The following SUSD4 variants were observed in gnomAD, a reference collection of about 807,000 sequenced individuals.
SUSD4 encodes the protein sushi domain-containing protein 4.
In SUSD4, 41 loss-of-function variants were observed where a neutral mutation model predicts 50.5. The ratio of observed to expected loss-of-function variants is 0.81; its 90% CI spans 0.63 to 1.05. The LOEUF (loss-of-function observed/expected upper bound fraction) is 1.05. Among genes scored for constraint, SUSD4 ranks in the 50% least tolerant of loss-of-function variants. The pLI, the probability that SUSD4 is intolerant of heterozygous loss-of-function variation, is 0.00. For synonymous variants in SUSD4, 257 were observed against 257.3 expected (o/e 1.00, Z 0.01); for missense variants, 580 against 634.7 (o/e 0.91, Z 0.93).
At chr1:223,343,903 A>G (rs1438609987) in intron 2 of SUSD4, among the ~76,000 whole-genome samples, 1 of 152,152 alleles carries the variant, frequency 6.6e-6, no homozygotes, top group Non-Finnish European at 1.5e-5. Context: ...TTCCACCACC[A>G]ACAGAGTACG....
At chr1:223,254,135 A>C (rs983190630) in intron 5 of SUSD4, among the ~76,000 whole-genome samples, 1 of 152,238 alleles carries the variant, frequency 6.6e-6, no homozygotes, top group Non-Finnish European at 1.5e-5. Context: ...CGACCTGCCC[A>C]GGTGAGAACC....
intron 5 of SUSD4, among the ~76,000 whole-genome samples, chr1:223,245,288 T>C (rs1185782669): frequency 1.3e-5 from 2 of 151,162 alleles, no homozygotes; most frequent in African/African-American, 4.9e-5. Context: ...GTCTGCAACG[T>C]ATTAGAAAAC....
Position 223,273,464 on chromosome 1 carries a change from G to A in SUSD4, c.362-4789C>T, listed in dbSNP as rs193176773. 2.6e-5 allele frequency among the ~76,000 whole-genome samples: 4 copies of A among 152,366 alleles called. No individual in the cohort carries two copies. The South Asian group carries it at 6.2e-4, about 24-fold the overall frequency. On this transcript the variant is annotated intron_variant, in intron 3 of 8. Coordinates refer to ENST00000366878, the MANE Select transcript of SUSD4 (RefSeq NM_017982.4). ...GCCCCTGGAATGTCTGGCTTGAGAT[G>A]AGTGTCTTTGTTTGTCTGGGGGCTC...
intron 7 of SUSD4, among the ~76,000 whole-genome samples, chr1:223,225,205 G>A (rs1209434703): frequency 1.3e-5 from 2 of 151,984 alleles, no homozygotes; most frequent in African/African-American, 2.4e-5. Flanking sequence ...CTGGGAACTG[G>A]TGCTGAGGGA....
At chr1:223,246,092 C>T (rs942460368) in intron 5 of SUSD4, among the ~76,000 whole-genome samples, 3 of 152,056 alleles carry the variant, frequency 2.0e-5, no homozygotes, top group Non-Finnish European at 1.5e-5. Context: ...CGGGACTGCA[C>T]GCACTCACAT....
intron 3 of SUSD4, among the ~76,000 whole-genome samples, chr1:223,274,396 G>C (rs562015677): frequency 3.3e-5 from 5 of 152,168 alleles, no homozygotes; most frequent in Non-Finnish European, 7.3e-5. Flanking sequence ...TTTGTGAGCA[G>C]GGCTGGTCCA....
At chr1:223,325,575 C>T (rs1666827377) in intron 2 of SUSD4, among the ~76,000 whole-genome samples, 1 of 152,164 alleles carries the variant, frequency 6.6e-6, no homozygotes, top group Admixed American at 6.5e-5. Flanking sequence ...AAGAGGAAGT[C>T]AAACTATCCC....
At chr1:223,285,281 C>G (rs1307491846) in intron 3 of SUSD4, among the ~76,000 whole-genome samples, 2 of 152,090 alleles carry the variant, frequency 1.3e-5, no homozygotes, top group African/African-American at 4.8e-5. Flanking sequence ...GGCAGGAACA[C>G]CAAGGGAGGC....
intron 2 of SUSD4, among the ~76,000 whole-genome samples, chr1:223,325,835 G>A (rs967999172): frequency 2.6e-5 from 4 of 151,982 alleles, no homozygotes; most frequent in Admixed American, 6.6e-5. Context: ...ATCTCCCTAC[G>A]GAGAACTATA....
chr1:223,238,324 AGTT>A (rs36071697), intron 5 of SUSD4, among the ~76,000 whole-genome samples: 5,076 of 151,880 alleles, frequency 0.033, 181 homozygotes, highest in African/African-American at 0.09. Context: ...GTCTCTATTG[AGTT>A]CCTATTTTCA....
At chr1:223,291,488 CAA>C (rs71572850) in intron 3 of SUSD4, among the ~76,000 whole-genome samples, 7 of 49,538 alleles carry the variant, frequency 1.4e-4, no homozygotes, top group Admixed American at 2.5e-4. Context: ...GACACTGTCT[CAA>C]AAAAAAAAAA....
chr1:223,284,321 T>G (rs1245287147), intron 3 of SUSD4, among the ~76,000 whole-genome samples: 1 of 152,192 alleles, frequency 6.6e-6, no homozygotes, highest in East Asian at 1.9e-4. Context: ...GCCATTATAA[T>G]GTGTCACCTG....
chr1:223,322,989 G>A (rs1666667905), intron 2 of SUSD4, among the ~76,000 whole-genome samples: 1 of 152,196 alleles, frequency 6.6e-6, no homozygotes, highest in Admixed American at 6.5e-5. Flanking sequence ...GGATATGATG[G>A]AGAAAGGGTA....
At chr1:223,353,708 C>T (rs1668494328) in intron 2 of SUSD4, among the ~76,000 whole-genome samples, 1 of 152,162 alleles carries the variant, frequency 6.6e-6, no homozygotes, top group South Asian at 2.1e-4. Flanking sequence ...GGGCTGAGCA[C>T]ATTTTTTAAA....
At chr1:223,307,987 G>A (rs1008814666) in intron 2 of SUSD4, among the ~76,000 whole-genome samples, 3 of 152,094 alleles carry the variant, frequency 2.0e-5, no homozygotes, top group Admixed American at 6.5e-5. Context: ...TCAGTTATTC[G>A]GATTTGTGCC....
chr1:223,264,436 A>T, intron 5 of SUSD4, 194 bp downstream of exon 5: 1 of 1,339,608 alleles, frequency 7.5e-7, no homozygotes, highest in East Asian at 2.7e-5. Flanking sequence ...CCTAAGGATG[A>T]GGGAAGCAAG....
At chr1:223,278,505 C>G (rs927988758) in intron 3 of SUSD4, among the ~76,000 whole-genome samples, 1 of 152,302 alleles carries the variant, frequency 6.6e-6, no homozygotes, top group African/African-American at 2.4e-5. Context: ...AAGGCAGCAG[C>G]GAGGCTGGGG....
chr1:223,255,982 C>G (rs1380592623), intron 5 of SUSD4, among the ~76,000 whole-genome samples: 2 of 152,150 alleles, frequency 1.3e-5, no homozygotes, highest in Non-Finnish European at 2.9e-5. Context: ...GTGCACAAGA[C>G]TTGAGTCTCT....
chr1:223,263,901 A>G, intron 5 of SUSD4: 1 of 985,368 alleles, frequency 1.0e-6, no homozygotes, highest in African/African-American at 1.7e-5. Flanking sequence ...TTCCCCATAT[A>G]GACCCCTCCT....
Sources: gnomAD v4.1 joint callset for allele counts (sites outside exome capture counted in the v4.1 genomes callset) on GRCh38, gnomAD v4.1.1 for gene constraint, MANE v1.5 for transcripts, NCBI Gene and HGNC (gene_info 2026-07-23, HGNC 2026-07-21) for gene names.